Variants in PARD3B observed in about 807,000 individuals in gnomAD.
PARD3B encodes the protein par-3 family cell polarity regulator beta.
PARD3B carries 103 observed loss-of-function variants against 130.2 expected under a neutral mutation model. The ratio of observed to expected loss-of-function variants is 0.79; its 90% CI spans 0.67 to 0.93. The LOEUF (loss-of-function observed/expected upper bound fraction) is 0.93, where lower values mean the gene tolerates loss of function less well. Among genes scored for constraint, PARD3B ranks in the 40% least tolerant of loss-of-function variants. PARD3B has a pLI of 0.00. For synonymous variants in PARD3B, 583 were observed against 553.2 expected (o/e 1.05, Z -0.76); for missense variants, 1,609 against 1,499.2 (o/e 1.07, Z -1.21).
In PARD3B at chr2:205,280,914, A is replaced by G. The variant is rs1275905574; in HGVS notation, c.2186-19616A>G. On this transcript the variant is annotated intron_variant, in intron 16 of 22. Transcript: ENST00000406610. This position sits in a 1 kb window ranked among gnomAD's most constrained non-coding sequence, Gnocchi z 4.7. ...TGGCTGTTTCAAGATGCTGTGGCGT[A>G]TTGATTCCTTTTATTACTAGCAGCC... Among the ~76,000 whole-genome samples, 3 of 152,176 alleles carry G rather than the reference A, an allele frequency of 2.0e-5. No individual in the cohort carries two copies. The highest frequency in any genetic ancestry group is 7.2e-5 in the African/African-American group (3 of 41,432).
At chr2:204,766,807 C>CAAAA (rs57504030) in intron 2 of PARD3B, among the ~76,000 whole-genome samples, 2,052 of 141,800 alleles carry the variant, frequency 0.014, 43 homozygotes, top group African/African-American at 0.051. Context: ...TTTTGTAAAT[C>CAAAA]AAAAAAAAAA....
intron 2 of PARD3B, among the ~76,000 whole-genome samples, chr2:204,883,914 T>C (rs2046174641): frequency 6.6e-6 from 1 of 151,652 alleles, no homozygotes; most frequent in Non-Finnish European, 1.5e-5. Context: ...ATTTTTTGTG[T>C]TTTTAGTAGA....
chr2:204,829,754 C>T (rs1363565752), intron 2 of PARD3B, among the ~76,000 whole-genome samples: 2 of 152,070 alleles, frequency 1.3e-5, no homozygotes, highest in Non-Finnish European at 2.9e-5. Context: ...AATCCCAGCA[C>T]TTTGGGAGGC....
chr2:204,925,502 G>GA (rs1040158169), intron 2 of PARD3B, among the ~76,000 whole-genome samples: 1 of 151,728 alleles, frequency 6.6e-6, no homozygotes, highest in Non-Finnish European at 1.5e-5. Context: ...AAATATATTG[G>GA]AAAAAAACAA....
intron 22 of PARD3B, among the ~76,000 whole-genome samples, chr2:205,609,680 G>T (rs770907531): frequency 1.3e-5 from 2 of 152,122 alleles, no homozygotes; most frequent in East Asian, 1.9e-4. Flanking sequence ...TGCCTAAGCC[G>T]GACATTCACA....
At chr2:204,680,908 C>G (rs1252206488) in intron 1 of PARD3B, among the ~76,000 whole-genome samples, 1 of 151,976 alleles carries the variant, frequency 6.6e-6, no homozygotes, top group Admixed American at 6.6e-5. Context: ...ATGTTCTAAT[C>G]TTTTCGGTTA....
rs541236997 is a variant in PARD3B, at chr2:204,871,609, C to T, written c.223-93543C>T. On this transcript the variant is annotated intron_variant, in intron 2 of 22. Coordinates refer to ENST00000406610, the MANE Select transcript of PARD3B (RefSeq NM_001302769.2). ...ATGATTTTTTTCCTTAGAAAATCAA[C>T]TGTCAATTAACTAATGAATATTCTT... is the stretch of plus-strand genomic sequence containing the variant. 5.9e-5 allele frequency among the ~76,000 whole-genome samples: 9 copies of T among 152,268 alleles called. No individual in the cohort carries two copies. The South Asian group carries it at 1.9e-3, about 32-fold the overall frequency.
intron 1 of PARD3B, among the ~76,000 whole-genome samples, chr2:204,638,355 A>G (rs2034958237): frequency 6.6e-6 from 1 of 152,214 alleles, no homozygotes; most frequent in African/African-American, 2.4e-5. Flanking sequence ...CTTCTACTTT[A>G]TGTAACAGTT....
At chr2:205,271,481 A>G (rs77777387) in intron 16 of PARD3B, among the ~76,000 whole-genome samples, 1 of 152,216 alleles carries the variant, frequency 6.6e-6, no homozygotes, top group East Asian at 1.9e-4. Flanking sequence ...TGCCATACAT[A>G]TACACACACA....
intron 2 of PARD3B, among the ~76,000 whole-genome samples, chr2:204,918,996 T>C (rs942761110): frequency 3.9e-5 from 6 of 152,156 alleles, no homozygotes; most frequent in Middle Eastern, 3.2e-3. Flanking sequence ...TTTCCACATT[T>C]TATGAAAAAT....
intron 15 of PARD3B, among the ~76,000 whole-genome samples, chr2:205,220,039 GATTA>G (rs2038156040): frequency 6.6e-6 from 1 of 152,140 alleles, no homozygotes; most frequent in African/African-American, 2.4e-5. Flanking sequence ...CAATTCAGAA[GATTA>G]AATTTAATAG....
intron 2 of PARD3B, among the ~76,000 whole-genome samples, chr2:204,737,665 A>G (rs1272981049): frequency 4.6e-5 from 7 of 152,216 alleles, no homozygotes; most frequent in Non-Finnish European, 7.3e-5. Flanking sequence ...AGTGTCTAGA[A>G]GAGTTTTTCC....
intron 22 of PARD3B, among the ~76,000 whole-genome samples, chr2:205,608,079 A>G (rs2105782890): frequency 6.6e-6 from 1 of 152,334 alleles, no homozygotes; most frequent in Non-Finnish European, 1.5e-5. Context: ...CAAAAATTGC[A>G]TGTGCTACTC....
At chr2:204,977,138 A>G (rs993389405) in intron 3 of PARD3B, among the ~76,000 whole-genome samples, 2 of 152,212 alleles carry the variant, frequency 1.3e-5, no homozygotes, top group African/African-American at 4.8e-5. Flanking sequence ...TAATCAGAAT[A>G]GTATAATTAC....
rs2043532270 is a variant in PARD3B, at chr2:205,341,571, T to C, written c.2630+39870T>C. On this transcript the variant is annotated intron_variant, in intron 18 of 22. Transcript: ENST00000406610. The surrounding 1 kb of genome is among the most constrained non-coding windows in gnomAD (Gnocchi z 4.3). Reference sequence around the variant, plus strand: ...AAGCTCATGAAAGTAGAGACCAGAATTGTGGCTATTAGAGGCTGGGAAGCA... The same window carrying C: ...AAGCTCATGAAAGTAGAGACCAGAACTGTGGCTATTAGAGGCTGGGAAGCA... 6.6e-6 allele frequency among the ~76,000 whole-genome samples: 1 copy of C among 151,996 alleles called. No homozygotes were observed. The highest frequency in any genetic ancestry group is 1.5e-5 in the Non-Finnish European group (1 of 67,954).
At chr2:204,687,563 T>C (rs1163312832) in intron 2 of PARD3B, among the ~76,000 whole-genome samples, 4 of 152,176 alleles carry the variant, frequency 2.6e-5, no homozygotes, top group African/African-American at 9.6e-5. Context: ...AAAAGACAGC[T>C]TTACTTTCTA....
At chr2:204,879,883 G>T (rs1403415269) in intron 2 of PARD3B, among the ~76,000 whole-genome samples, 1 of 152,216 alleles carries the variant, frequency 6.6e-6, no homozygotes. Context: ...GCCAGTGCTG[G>T]ATTGAGTATC....
intron 15 of PARD3B, among the ~76,000 whole-genome samples, chr2:205,243,838 A>C (rs1365104600): frequency 6.6e-6 from 1 of 152,210 alleles, no homozygotes; most frequent in Non-Finnish European, 1.5e-5. Context: ...CGTTGTGAGA[A>C]TCGAATGAAT....
chr2:204,683,777 G>A (rs2036951100), intron 1 of PARD3B, among the ~76,000 whole-genome samples: 1 of 152,138 alleles, frequency 6.6e-6, no homozygotes, highest in Non-Finnish European at 1.5e-5. Context: ...GTGGAATAGG[G>A]AGTTCAAATT....
Sources: gnomAD v4.1 joint callset for allele counts (sites outside exome capture counted in the v4.1 genomes callset) on GRCh38, gnomAD v4.1.1 for gene constraint, Gnocchi (gnomAD v3.1) non-coding constraint, MANE v1.5 for transcripts, NCBI Gene and HGNC (gene_info 2026-07-23, HGNC 2026-07-21) for gene names.